PAK3: variants seen among roughly 807,000 people sequenced by gnomAD.
The protein encoded by PAK3 is serine/threonine-protein kinase PAK 3.
In PAK3, 4 loss-of-function variants were observed where a neutral mutation model predicts 41.0. The ratio of observed to expected loss-of-function variants is 0.10; its 90% CI spans 0.05 to 0.22. The LOEUF (loss-of-function observed/expected upper bound fraction) is 0.22. Among genes scored for constraint, PAK3 ranks in the 10% least tolerant of loss-of-function variants. The probability of loss-of-function intolerance (pLI) is 1.00; values close to 1 mark genes in which losing one functional copy is unlikely to be tolerated. For synonymous variants in PAK3, 146 were observed against 139.6 expected, an observed-to-expected ratio of 1.05 and a Z score of -0.32; for missense variants, 205 against 409.9, an observed-to-expected ratio of 0.50 and a Z score of 4.32.
chrX:111,180,741 A>T (rs1032087764), intron 11 of PAK3, among the ~76,000 whole-genome samples: 1 of 111,660 alleles, frequency 9.0e-6, no homozygotes, highest in African/African-American at 3.3e-5. Flanking sequence ...CTTGTACCTC[A>T]TACTTTTTAA....
At chrX:110,967,784 C>T (rs1415820337) in intron 1 of PAK3, among the ~76,000 whole-genome samples, 3 of 111,722 alleles carry the variant, frequency 2.7e-5, no homozygotes, top group South Asian at 3.8e-4. Context: ...TACCTTTCAC[C>T]CAGTTTTCCC....
chrX:110,969,094 ATTTTTTTT>A lies in PAK3; in HGVS notation c.-28+24484_-28+24491del, dbSNP rs60724970. Among the ~76,000 whole-genome samples the A allele has an allele frequency of 2.0e-4, 8 of 40,613 alleles. No homozygotes were observed. The Admixed American group carries it at 2.4e-3, about 12-fold the overall frequency. The allele number at this position is 40,613 out of a possible 115,157, so 35.3% of individuals were successfully genotyped here. ...AGGCATGTGCTACCAGACCTGCCTA[ATTTTTTTT>A]TTTTTTTTTTTTTTTTTGTATTTTT... On this transcript the variant is annotated intron_variant, in intron 1 of 14. Transcript: ENST00000425146.
intron 5 of PAK3, among the ~76,000 whole-genome samples, chrX:111,135,627 A>C (rs1287157043): frequency 9.0e-6 from 1 of 111,462 alleles, no homozygotes; most frequent in Non-Finnish European, 1.9e-5. Flanking sequence ...GTATGAAAGA[A>C]GGTGGGGGAA....
upstream of PAK3, among the ~76,000 whole-genome samples, chrX:111,092,809 C>T (rs2092940241): frequency 8.9e-6 from 1 of 111,896 alleles, no homozygotes; most frequent in Non-Finnish European, 1.9e-5. Flanking sequence ...ATATAATATT[C>T]AGCATAACAT....
At chrX:111,062,993 AC>A in intron 1 of PAK3, among the ~76,000 whole-genome samples, 2 of 109,606 alleles carry the variant, frequency 1.8e-5, no homozygotes, top group South Asian at 7.7e-4. Flanking sequence ...AACTACTGCT[AC>A]CTAAAAAAAA....
At chrX:111,028,991 C>T (rs1207783109) in intron 1 of PAK3, among the ~76,000 whole-genome samples, 2 of 110,847 alleles carry the variant, frequency 1.8e-5, no homozygotes, top group Non-Finnish European at 3.8e-5. Context: ...AAAAAATTAG[C>T]TGTGCCACAG....
At chrX:111,040,910 G>C (rs1193161199) in intron 1 of PAK3, among the ~76,000 whole-genome samples, 1 of 111,632 alleles carries the variant, frequency 9.0e-6, no homozygotes, top group East Asian at 2.8e-4. Context: ...AGTGAAATGG[G>C]GTAAAGCATT....
At chrX:111,081,137 A>G (rs902089689) in intron 1 of PAK3, among the ~76,000 whole-genome samples, 1 of 111,923 alleles carries the variant, frequency 8.9e-6, no homozygotes, top group Non-Finnish European at 1.9e-5. Flanking sequence ...GATAGGAGAA[A>G]TAAATTCAAG....
intron 1 of PAK3, among the ~76,000 whole-genome samples, chrX:111,017,708 A>G (rs1357723950): frequency 8.9e-6 from 1 of 111,883 alleles, no homozygotes; most frequent in African/African-American, 3.2e-5. Flanking sequence ...TAAAAAATTA[A>G]AGAAAAGAGA....
chrX:111,037,165 A>C (rs1327496396), intron 1 of PAK3, among the ~76,000 whole-genome samples: 2 of 111,735 alleles, frequency 1.8e-5, no homozygotes, highest in African/African-American at 6.5e-5. Context: ...AGCTGATCTC[A>C]AACTGCTGAC....
intron 5 of PAK3, among the ~76,000 whole-genome samples, chrX:111,137,946 C>G (rs186816698): frequency 9.0e-6 from 1 of 111,183 alleles, no homozygotes; most frequent in East Asian, 2.8e-4. Flanking sequence ...CAGGGTGATA[C>G]AGACATTTTA....
chrX:111,061,495 C>T (rs910376032), intron 1 of PAK3, among the ~76,000 whole-genome samples: 22 of 111,686 alleles, frequency 2.0e-4, no homozygotes, highest in African/African-American at 4.9e-4. Context: ...TTTTAGAGTT[C>T]GCTTGTCAAA....
At chrX:111,210,458 G>A (rs2094806973) in intron 16 of PAK3, among the ~76,000 whole-genome samples, 1 of 111,046 alleles carries the variant, frequency 9.0e-6, no homozygotes, top group Non-Finnish European at 1.9e-5. Context: ...TGAACAGTGG[G>A]GTCATCAGAA....
At chrX:111,213,196 C>A (rs138518938) in intron 16 of PAK3, among the ~76,000 whole-genome samples, 4,343 of 111,610 alleles carry the variant, frequency 0.039, 219 homozygotes, top group African/African-American at 0.13. Context: ...CAGACCCACC[C>A]CCTAACAAAA....
intron 1 of PAK3, among the ~76,000 whole-genome samples, chrX:111,025,982 G>A (rs1345450381): frequency 9.0e-6 from 1 of 111,633 alleles, no homozygotes; most frequent in Non-Finnish European, 1.9e-5. Flanking sequence ...TCATATGAGG[G>A]ATGCACAGAT....
intron 1 of PAK3, among the ~76,000 whole-genome samples, chrX:110,950,163 C>T (rs1357727548): frequency 4.5e-5 from 5 of 111,655 alleles, no homozygotes; most frequent in Admixed American, 2.8e-4. Context: ...AACACATGCT[C>T]ATTCTTGCTT....
intron 11 of PAK3, 44 bp downstream of exon 11, chrX:111,173,125 A>G (rs1481821440): frequency 3.2e-6 from 2 of 628,764 alleles, no homozygotes; most frequent in Admixed American, 4.8e-5. Flanking sequence ...AGTACAAGCA[A>G]CATACATTAA....
At chrX:111,149,291 G>T (rs2093993808) in intron 7 of PAK3, among the ~76,000 whole-genome samples, 1 of 111,882 alleles carries the variant, frequency 8.9e-6, no homozygotes, top group Admixed American at 9.4e-5. Context: ...CTGCTGTTGA[G>T]TGTCTGCGGC....
intron 1 of PAK3, among the ~76,000 whole-genome samples, 175 bp from the exon 2 acceptor site, chrX:111,097,215 C>A (rs1285710833): frequency 8.6e-5 from 9 of 105,048 alleles, no homozygotes. Flanking sequence ...AAGATTACTG[C>A]CGCACTTTTG....
Sources: gnomAD v4.1 joint callset for allele counts (sites outside exome capture counted in the v4.1 genomes callset) on GRCh38, gnomAD v4.1.1 for gene constraint, MANE v1.5 for transcripts, NCBI Gene and HGNC (gene_info 2026-07-23, HGNC 2026-07-21) for gene names.